The following ARL15 variants were observed in gnomAD, a reference collection of about 807,000 sequenced individuals.
The protein encoded by ARL15 is ADP-ribosylation factor-like protein 15.
A neutral mutation model predicts 25.2 loss-of-function variants in ARL15; 19 were observed. That is an observed-to-expected ratio of 0.75 (90% CI 0.53 to 1.10). ARL15 has a LOEUF of 1.10. Among genes scored for constraint, ARL15 ranks in the 50% least tolerant of loss-of-function variants. ARL15 has a pLI of 0.00. For synonymous variants in ARL15, 94 were observed against 86.8 expected (o/e 1.08, Z -0.46); for missense variants, 220 against 246.0 (o/e 0.89, Z 0.71).
intron 3 of ARL15, among the ~76,000 whole-genome samples, chr5:54,131,512 CT>C (rs931903440): frequency 2.7e-4 from 41 of 152,236 alleles, no homozygotes; most frequent in African/African-American, 9.1e-4. Context: ...TGTATATAAT[CT>C]TTTTTCCCCC....
chr5:54,200,311 G>GA (rs907581711), intron 1 of ARL15, among the ~76,000 whole-genome samples: 6 of 140,524 alleles, frequency 4.3e-5, no homozygotes, highest in East Asian at 2.1e-4. Flanking sequence ...TAAAAAAAGA[G>GA]AAAAAAAAGA....
intron 4 of ARL15, among the ~76,000 whole-genome samples, chr5:53,943,587 A>G (rs1186728453): frequency 1.3e-5 from 2 of 152,216 alleles, no homozygotes; most frequent in Non-Finnish European, 2.9e-5. Context: ...AGTGAGTTGA[A>G]AAGACAGGAA....
intron 1 of ARL15, among the ~76,000 whole-genome samples, chr5:54,269,282 T>C (rs1454519073): frequency 2.0e-5 from 3 of 152,094 alleles, no homozygotes; most frequent in Admixed American, 1.3e-4. Flanking sequence ...ATATATCCTC[T>C]TTTAATTTTT....
intron 1 of ARL15, among the ~76,000 whole-genome samples, chr5:54,229,808 G>C (rs1756618829): frequency 6.6e-6 from 1 of 152,166 alleles, no homozygotes; most frequent in Non-Finnish European, 1.5e-5. Context: ...CTGGGACATG[G>C]TCTCAACTGG....
chr5:53,904,902 A>G (rs1488369111), intron 4 of ARL15, among the ~76,000 whole-genome samples: 1 of 151,748 alleles, frequency 6.6e-6, no homozygotes, highest in African/African-American at 2.4e-5. Context: ...TAATTTTTGT[A>G]TTTTTAGTAG....
chr5:54,079,062 A>T (rs1281242411), intron 4 of ARL15, among the ~76,000 whole-genome samples: 1 of 152,206 alleles, frequency 6.6e-6, no homozygotes, highest in African/African-American at 2.4e-5. Flanking sequence ...TTTACAGATT[A>T]ATAGCAAGTA....
chr5:54,096,663 G>C (rs1752297062), intron 4 of ARL15, among the ~76,000 whole-genome samples: 1 of 152,188 alleles, frequency 6.6e-6, no homozygotes, highest in Admixed American at 6.5e-5. Context: ...CATCCACCTT[G>C]GCCTCCCATG....
chr5:54,277,871 T>G (rs1211796679), intron 1 of ARL15, among the ~76,000 whole-genome samples: 2 of 152,230 alleles, frequency 1.3e-5, no homozygotes. Flanking sequence ...TGGTATTATT[T>G]AGTTCAAATC....
At chr5:53,930,395 A>G (rs1451676480) in intron 4 of ARL15, among the ~76,000 whole-genome samples, 1 of 152,234 alleles carries the variant, frequency 6.6e-6, no homozygotes, top group Non-Finnish European at 1.5e-5. Flanking sequence ...ATCACCAAAC[A>G]GTCTTTGAGA....
chr5:53,920,648 A>AAGT (rs1745819998), intron 4 of ARL15, among the ~76,000 whole-genome samples: 1 of 124,246 alleles, frequency 8.0e-6, no homozygotes, highest in Admixed American at 9.0e-5. Flanking sequence ...CTCTATTAAA[A>AAGT]AATAATAAAT....
At chr5:53,990,370 C>A (rs1463013029) in intron 4 of ARL15, among the ~76,000 whole-genome samples, 1 of 152,144 alleles carries the variant, frequency 6.6e-6, no homozygotes, top group South Asian at 2.1e-4. Flanking sequence ...TCTGGAAATA[C>A]AATTTCTTCT....
At chr5:54,158,644 G>A (rs1174700549) in intron 2 of ARL15, among the ~76,000 whole-genome samples, 2 of 152,216 alleles carry the variant, frequency 1.3e-5, no homozygotes, top group Middle Eastern at 3.2e-3. Context: ...GGAGGCCGAG[G>A]CGGGTGGATC....
At position 54,310,382 on chromosome 5, in the gene ARL15, G is replaced by C. The variant is rs764679035; in HGVS notation, c.48+50C>G. The C allele has an allele frequency of 5.1e-6, 8 of 1,580,962 alleles. No individual in the cohort carries two copies. The South Asian group carries it at 5.8e-5, about 11-fold the overall frequency. ...CTGCTCCTCAAGGCAGGGGGCCATC[G>C]GGCACGCCGAGATCCGAGAGGCGAC... On this transcript the variant is annotated intron_variant, in intron 1 of 4. Transcript: ENST00000504924.
intron 4 of ARL15, among the ~76,000 whole-genome samples, chr5:54,018,893 T>C (rs371511525): frequency 1.4e-4 from 22 of 152,324 alleles, no homozygotes; most frequent in African/African-American, 4.3e-4. Flanking sequence ...GTGAATAATC[T>C]ATTATAGTTC....
intron 1 of ARL15, among the ~76,000 whole-genome samples, chr5:54,274,008 G>A (rs1438467537): frequency 6.6e-6 from 1 of 152,218 alleles, no homozygotes; most frequent in African/African-American, 2.4e-5. Flanking sequence ...AGCAAGGAAT[G>A]CTGGCATTGG....
At chr5:54,178,455 C>T (rs1341000412) in intron 1 of ARL15, among the ~76,000 whole-genome samples, 2 of 152,178 alleles carry the variant, frequency 1.3e-5, no homozygotes, top group Non-Finnish European at 2.9e-5. Context: ...CCTATGACAG[C>T]TCACCAGGTC....
chr5:54,098,135 C>A (rs156824), intron 4 of ARL15, among the ~76,000 whole-genome samples: 118,295 of 152,082 alleles, frequency 0.78, 46,885 homozygotes, highest in East Asian at 0.98. Context: ...TCATAAATAT[C>A]TGTAAGACTG....
intron 1 of ARL15, among the ~76,000 whole-genome samples, chr5:54,242,747 G>A (rs1756992994): frequency 6.6e-6 from 1 of 152,136 alleles, no homozygotes; most frequent in Admixed American, 6.5e-5. Flanking sequence ...GATGTCGCTC[G>A]TGCCTCTGAA....
intron 1 of ARL15, among the ~76,000 whole-genome samples, chr5:54,228,921 AAC>A (rs1245094587): frequency 3.3e-5 from 5 of 152,188 alleles, no homozygotes; most frequent in Non-Finnish European, 7.3e-5. Context: ...CCCTGAAAAT[AAC>A]ATGTTTCCTG....
Sources: allele counts gnomAD v4.1 joint callset (sites outside exome capture counted in the v4.1 genomes callset), GRCh38; gene constraint gnomAD v4.1.1; transcripts MANE v1.5; gene names NCBI Gene and HGNC (gene_info 2026-07-23, HGNC 2026-07-21).